BMPER: variants seen among roughly 807,000 people sequenced by gnomAD.
BMPER encodes BMP binding endothelial regulator, also known as BMP-binding endothelial regulator protein.
In BMPER, 45 loss-of-function variants were observed where a neutral mutation model predicts 87.3. The ratio of observed to expected loss-of-function variants is 0.52; its 90% CI spans 0.41 to 0.66. BMPER has a LOEUF of 0.66. BMPER is among the 30% of genes least tolerant of loss of function. BMPER has a pLI of 0.00. For missense variants in BMPER, 784 were observed against 867.5 expected (o/e 0.90, Z 1.21); for synonymous variants, 326 against 316.2 (o/e 1.03, Z -0.33).
chr7:33,925,608 A>G (rs1463149634), intron 2 of BMPER, among the ~76,000 whole-genome samples: 1 of 152,236 alleles, frequency 6.6e-6, no homozygotes, highest in Non-Finnish European at 1.5e-5. Context: ...TACCTAAAAC[A>G]TAGATGAAAG....
chr7:34,089,115 A>G (rs1789302758), intron 13 of BMPER, among the ~76,000 whole-genome samples: 1 of 152,172 alleles, frequency 6.6e-6, no homozygotes, highest in African/African-American at 2.4e-5. Flanking sequence ...AATGAACCCA[A>G]AAGTATAGTC....
intron 13 of BMPER, among the ~76,000 whole-genome samples, chr7:34,109,656 G>T (rs1789911243): frequency 6.6e-6 from 1 of 152,086 alleles, no homozygotes; most frequent in African/African-American, 2.4e-5. Flanking sequence ...ACTGCCTGTG[G>T]GTACCAGTTA....
At chr7:33,985,290 A>G (rs766519165) in intron 6 of BMPER, among the ~76,000 whole-genome samples, 1 of 152,128 alleles carries the variant, frequency 6.6e-6, no homozygotes, top group Non-Finnish European at 1.5e-5. Flanking sequence ...GTAGTTTTAT[A>G]TCCTTGTTAT....
At chr7:34,009,988 C>T (rs982893451) in intron 6 of BMPER, among the ~76,000 whole-genome samples, 1 of 151,854 alleles carries the variant, frequency 6.6e-6, no homozygotes, top group Non-Finnish European at 1.5e-5. Flanking sequence ...ATGTTTTTCC[C>T]AGCTTCCTCC....
rs185265983 is a variant in BMPER at position 34,131,608 on chromosome 7, G to T, written c.1746-11622G>T. ...GGGGCTGGTGGTGACTGCTGCGTGT[G>T]GCTGGGGTGTGGCCTCCAGATGCTA... On this transcript the variant is annotated intron_variant, in intron 13 of 14. Transcript: ENST00000649409. Among the ~76,000 whole-genome samples the T allele has an allele frequency of 6.6e-5, 10 of 152,288 alleles. No homozygotes were observed. In the East Asian group the frequency reaches 1.9e-3, roughly 30 times the overall value.
chr7:33,977,762 A>G (rs968276593), intron 6 of BMPER, among the ~76,000 whole-genome samples: 2 of 152,234 alleles, frequency 1.3e-5, no homozygotes, highest in Non-Finnish European at 2.9e-5. Flanking sequence ...ATACACACAT[A>G]TATAAAAATA....
intron 14 of BMPER, among the ~76,000 whole-genome samples, chr7:34,152,088 A>G (rs974079098): frequency 1.3e-5 from 2 of 152,224 alleles, no homozygotes; most frequent in Admixed American, 6.5e-5. Context: ...AACCAGTTCT[A>G]TCTTTAAATT....
rs1344460156 is a variant in BMPER, at chr7:34,154,295, A to G, written c.*1022A>G. On this transcript the variant is annotated 3_prime_UTR_variant, in exon 15 of 15. Coordinates refer to ENST00000649409, the MANE Select transcript of BMPER (RefSeq NM_001365308.1). ...TTAGACAGTGGAAAAGCCTTTATTGACTAATTGATTTAACCTCAGTCCAAA... is the reference window on the plus strand; with the variant it reads ...TTAGACAGTGGAAAAGCCTTTATTGGCTAATTGATTTAACCTCAGTCCAAA... 1.3e-5 allele frequency: 2 copies of G among 152,228 alleles called. No individual in the cohort carries two copies. The highest frequency in any genetic ancestry group is 2.9e-5 in the Non-Finnish European group (2 of 68,026). The allele number at this position is 152,228 out of a possible 1,614,324, so 9.4% of individuals were successfully genotyped here.
chr7:33,910,279 A>G (rs7801423), intron 2 of BMPER, among the ~76,000 whole-genome samples: 101,072 of 152,138 alleles, frequency 0.66, 33,842 homozygotes, highest in Middle Eastern at 0.82. Flanking sequence ...ATATTTTCCC[A>G]CTTTCTTGCT....
Position 34,134,828 on chromosome 7 carries a change from G to A in BMPER, c.1746-8402G>A, listed in dbSNP as rs557036343. On this transcript the variant is annotated intron_variant, in intron 13 of 14. Coordinates refer to ENST00000649409, the MANE Select transcript of BMPER (RefSeq NM_001365308.1). Reference sequence around the variant, plus strand: ...CATGCGTGATAGCTGTTTGGTCACTGTTAAAAGCGTACCTCTACTAAAAGC... The same window carrying A: ...CATGCGTGATAGCTGTTTGGTCACTATTAAAAGCGTACCTCTACTAAAAGC... Among the ~76,000 whole-genome samples the A allele has an allele frequency of 3.7e-3, 568 of 152,254 alleles. 2 individuals are homozygous for A. The highest frequency in any genetic ancestry group is 0.013 in the African/African-American group (553 of 41,546).
At chr7:33,977,965 G>T (rs10276432) in intron 6 of BMPER, among the ~76,000 whole-genome samples, 90,997 of 151,862 alleles carry the variant, frequency 0.6, 27,542 homozygotes, top group Middle Eastern at 0.66. Context: ...GCGGAGGGGA[G>T]ACAAGGATGA....
intron 13 of BMPER, among the ~76,000 whole-genome samples, chr7:34,103,195 T>C (rs1789728147): frequency 6.6e-6 from 1 of 152,044 alleles, no homozygotes; most frequent in Non-Finnish European, 1.5e-5. Flanking sequence ...CTTCTGGGAA[T>C]AGGGATATGA....
At chr7:34,151,997 A>C (rs1375275618) in intron 14 of BMPER, among the ~76,000 whole-genome samples, 2 of 152,192 alleles carry the variant, frequency 1.3e-5, no homozygotes, top group African/African-American at 4.8e-5. Flanking sequence ...TCTTTTACTT[A>C]AATATGATCA....
chr7:33,915,974 CA>C (rs1240122377), intron 2 of BMPER, among the ~76,000 whole-genome samples: 3 of 152,090 alleles, frequency 2.0e-5, no homozygotes, highest in Non-Finnish European at 4.4e-5. Flanking sequence ...AGTTACAGCA[CA>C]AAAAATTCTC....
intron 4 of BMPER, 39 bp downstream of exon 4, chr7:33,966,600 C>A: frequency 5.1e-6 from 8 of 1,580,552 alleles, no homozygotes; most frequent in Non-Finnish European, 7.0e-6. Flanking sequence ...AAAAAGGAAT[C>A]CATAGAGTCC....
chr7:33,909,464 A>G (rs1470901963), intron 2 of BMPER, among the ~76,000 whole-genome samples: 1 of 152,298 alleles, frequency 6.6e-6, no homozygotes, highest in Admixed American at 6.5e-5. Flanking sequence ...TGTTAATCGC[A>G]TTATATGAAA....
At chr7:34,000,661 T>C (rs1434384609) in intron 6 of BMPER, among the ~76,000 whole-genome samples, 6 of 152,010 alleles carry the variant, frequency 3.9e-5, no homozygotes, top group Admixed American at 2.6e-4. Flanking sequence ...GTGAAGGACA[T>C]TTGGGTGTGC....
chr7:34,139,450 T>C (rs1449073197), intron 13 of BMPER, among the ~76,000 whole-genome samples: 4 of 152,242 alleles, frequency 2.6e-5, no homozygotes, highest in Admixed American at 2.6e-4. Flanking sequence ...TTGTGTAGTA[T>C]TAAAAGTAAA....
At chr7:34,082,031 G>T (rs1789063140) in intron 12 of BMPER, among the ~76,000 whole-genome samples, 1 of 152,154 alleles carries the variant, frequency 6.6e-6, no homozygotes, top group Non-Finnish European at 1.5e-5. Context: ...TTTGAAGGGG[G>T]AAGAACAAGT....
Sources: gnomAD v4.1 joint callset for allele counts (sites outside exome capture counted in the v4.1 genomes callset) on GRCh38, gnomAD v4.1.1 for gene constraint, MANE v1.5 for transcripts, NCBI Gene and HGNC (gene_info 2026-07-23, HGNC 2026-07-21) for gene names.